Variants in CHRNA1 observed in about 807,000 individuals in gnomAD.
CHRNA1 encodes cholinergic receptor nicotinic alpha 1 subunit, also known as acetylcholine receptor subunit alpha.
In CHRNA1, 35 loss-of-function variants were observed where a neutral mutation model predicts 47.1. The ratio of observed to expected loss-of-function variants is 0.74; its 90% CI spans 0.57 to 0.99. The LOEUF (loss-of-function observed/expected upper bound fraction) is 0.99. CHRNA1 is among the 50% of genes least tolerant of loss of function. The pLI, the probability that CHRNA1 is intolerant of heterozygous loss-of-function variation, is 0.00. For missense variants in CHRNA1, 506 were observed against 591.1 expected, an observed-to-expected ratio of 0.86 and a Z score of 1.49; for synonymous variants, 229 against 223.6, an observed-to-expected ratio of 1.02 and a Z score of -0.22.
intron 7 of CHRNA1, among the ~76,000 whole-genome samples, chr2:174,749,546 C>G (rs886798833): frequency 2.6e-5 from 4 of 152,154 alleles, no homozygotes; most frequent in Non-Finnish European, 5.9e-5. Flanking sequence ...CATCTCTAGC[C>G]CTCATTCTAT....
intron 6 of CHRNA1, among the ~76,000 whole-genome samples, chr2:174,752,479 A>G (rs995829844): frequency 1.2e-4 from 18 of 152,174 alleles, no homozygotes; most frequent in Non-Finnish European, 2.2e-4. Context: ...CTGAGGTGAA[A>G]GGGTCACTTG....
At chr2:174,758,772 T>G (rs1052086584) in intron 3 of CHRNA1, among the ~76,000 whole-genome samples, 3 of 152,124 alleles carry the variant, frequency 2.0e-5, no homozygotes, top group Non-Finnish European at 4.4e-5. Flanking sequence ...TGACCTAATT[T>G]GGAGATAGGT....
At position 174,750,180 on chromosome 2, in the gene CHRNA1, CA is replaced by C. The variant is rs67309103; in HGVS notation, c.779-12del. The C allele has an allele frequency of 0.11, 150,316 of 1,393,552 alleles. 2,314 individuals are homozygous for C. The highest frequency in any genetic ancestry group is 0.29 in the African/African-American group (19,636 of 68,592). 86.3% of individuals were successfully genotyped at this position (1,393,552 alleles called of 1,614,324 possible). A position where few individuals can be genotyped will look rare whatever the true frequency, so the allele number is the denominator to read the frequency against. On this transcript the variant is annotated splice_polypyrimidine_tract_variant and intron_variant, in intron 6 of 8. Coordinates refer to ENST00000348749, the MANE Select transcript of CHRNA1 (RefSeq NM_000079.4). ...GAGTCATCTTCTCCCCTGAAAAGAC[CA>C]AAAAAAAAAAAAAAAATCCCACAAC...
At chr2:174,763,835 G>T (rs1037697785) in intron 1 of CHRNA1, among the ~76,000 whole-genome samples, 24 of 150,844 alleles carry the variant, frequency 1.6e-4, no homozygotes, top group Non-Finnish European at 3.2e-4. Flanking sequence ...ATTTGTCTCT[G>T]TGGAGAGAGT....
intron 3 of CHRNA1, 89 bp from the exon 4 acceptor site, chr2:174,757,764 C>A: frequency 8.4e-7 from 1 of 1,192,994 alleles, no homozygotes; most frequent in Non-Finnish European, 1.2e-6. Context: ...CATGGGAATT[C>A]AGTATTGACA....
In CHRNA1 at chr2:174,757,086, A is replaced by G. The variant is rs147975584; in HGVS notation, c.344+480T>C. 2.5e-3 allele frequency among the ~76,000 whole-genome samples: 375 copies of G among 152,134 alleles called. 1 individual carries two copies. The highest frequency in any genetic ancestry group is 8.6e-3 in the African/African-American group (358 of 41,488). ...GGTGTTCAGGATGTGATGAGTGACA[A>G]CCCTAGGAGGCTCAGAAATATTTGG... On this transcript the variant is annotated intron_variant, in intron 4 of 8. Coordinates refer to ENST00000348749, the MANE Select transcript of CHRNA1 (RefSeq NM_000079.4).
At chr2:174,750,419 G>A (rs752797392) in intron 6 of CHRNA1, among the ~76,000 whole-genome samples, 9 of 152,126 alleles carry the variant, frequency 5.9e-5, no homozygotes, top group Non-Finnish European at 1.2e-4. Flanking sequence ...ATAGACGGAA[G>A]GCCATGGGAC....
chr2:174,762,902 A>G (rs12185542), intron 1 of CHRNA1, among the ~76,000 whole-genome samples: 2 of 151,760 alleles, frequency 1.3e-5, no homozygotes, highest in East Asian at 3.9e-4. Context: ...TTGAACTGTT[A>G]CTAGTCCCAT....
chr2:174,754,305 C>T lies in CHRNA1; in HGVS notation c.454G>A (p.Val152Ile), dbSNP rs137852807. ...TGTTCATCAAAGGGAAAGTGGGTGA[C>T]GATGATCTCACAGTAGCTTTTAAAG... ...AIFKSYCEII[V>I]THFPFDEQNC... The change falls in exon 5 of 9, where the codon GTC becomes ATC. Residue 152 changes from valine to isoleucine, a missense_variant. Transcript: ENST00000348749. The T allele has an allele frequency of 1.2e-5, 19 of 1,614,046 alleles. No individual in the cohort carries two copies. The highest frequency in any genetic ancestry group is 1.7e-5 in the Admixed American group (1 of 60,002).
intron 1 of CHRNA1, among the ~76,000 whole-genome samples, chr2:174,763,702 GT>G (rs1464056496): frequency 2.0e-5 from 3 of 151,824 alleles, no homozygotes; most frequent in African/African-American, 4.8e-5. Context: ...GCTGTGCAAG[GT>G]TTTATAGTTT....
intron 6 of CHRNA1, among the ~76,000 whole-genome samples, chr2:174,751,033 C>T (rs1400020745): frequency 6.6e-6 from 1 of 152,238 alleles, no homozygotes; most frequent in Non-Finnish European, 1.5e-5. Context: ...ATCCGGAAGG[C>T]TAAGGAGTTC....
chr2:174,749,523 T>C (rs1029858902), intron 7 of CHRNA1, among the ~76,000 whole-genome samples: 1 of 152,196 alleles, frequency 6.6e-6, no homozygotes, highest in Non-Finnish European at 1.5e-5. Context: ...CCCTCTCTCA[T>C]CAGGAACCCT....
At chr2:174,748,394 T>C in intron 8 of CHRNA1, 139 bp from the exon 9 acceptor site, 2 of 1,408,450 alleles carry the variant, frequency 1.4e-6, no homozygotes, top group East Asian at 2.5e-5. Flanking sequence ...ATCGTCTTTA[T>C]TTTTTGAATA....
chr2:174,754,234 G>C lies in CHRNA1; in HGVS notation c.525C>G (p.Val175=), dbSNP rs186421442. The change falls in exon 5 of 9, where the codon GTC becomes GTG. Residue 175 remains valine, a synonymous_variant. Transcript: ENST00000348749. ...KLGTWTYDGS[V]VAINPESDQP... is the part of the protein sequence containing the mutation. ...CACCACCTACCGGGTTGATGGCCAC[G>C]ACAGAGCCGTCGTAGGTCCAGGTGC... The C allele has an allele frequency of 6.2e-7, 1 of 1,613,576 alleles. No homozygotes were observed. Among genetic ancestry groups the C allele is most frequent in the South Asian group, 1.1e-5 (1 of 91,034 alleles).
In CHRNA1 at chr2:174,753,594, G is replaced by A. The variant is rs545520806; in HGVS notation, c.687C>T (p.Arg229=). The A allele has an allele frequency of 4.3e-6, 7 of 1,614,168 alleles. No individual in the cohort carries two copies. The highest frequency in any genetic ancestry group is 1.7e-5 in the Admixed American group (1 of 60,018). The change falls in exon 6 of 9, where the codon CGC becomes CGT. Residue 229 remains arginine (R), a synonymous_variant. Coordinates refer to ENST00000348749, the MANE Select transcript of CHRNA1 (RefSeq NM_000079.4). Reference sequence around the variant, plus strand: ...CGTTGACGATGAAGTAGAGGGGCAGGCGCTGCATGACGAAGTGGTAGGTGA... The same window carrying A: ...CGTTGACGATGAAGTAGAGGGGCAGACGCTGCATGACGAAGTGGTAGGTGA... ...LDITYHFVMQ[R]LPLYFIVNVI... is the part of the protein sequence containing the mutation.
rs767773452 is a variant in CHRNA1 at position 174,757,609 on chromosome 2, G to A, written c.301C>T (p.Pro101Ser). 3 of 1,614,100 alleles carry A rather than the reference G, an allele frequency of 1.9e-6. No individual in the cohort carries two copies. In the South Asian group the frequency reaches 3.3e-5, roughly 18 times the overall value. The change falls in exon 4 of 9, where the codon CCT becomes TCT. Residue 101 changes from proline (P) to serine (S), a missense_variant. Pro to Ser is a moderately conservative substitution (Grantham distance 74). Coordinates refer to ENST00000348749, the MANE Select transcript of CHRNA1 (RefSeq NM_000079.4). ...TCTGGGCGCCAGATCTTTTCTGAAG[G>A]AATGTGAATTTTTTTCACACCGCCA... ...DYGGVKKIHI[P>S]SEKIWRPDLV...
chr2:174,755,767 G>A (rs1243929028), intron 4 of CHRNA1, among the ~76,000 whole-genome samples: 1 of 152,122 alleles, frequency 6.6e-6, no homozygotes, highest in Non-Finnish European at 1.5e-5. Context: ...CAGGTACAGT[G>A]GCTCATGCCT....
At chr2:174,751,933 G>T (rs970914771) in intron 6 of CHRNA1, among the ~76,000 whole-genome samples, 4 of 151,932 alleles carry the variant, frequency 2.6e-5, no homozygotes, top group African/African-American at 9.7e-5. Flanking sequence ...ATCCGCCTTG[G>T]CCTCCGAAAG....
intron 3 of CHRNA1, among the ~76,000 whole-genome samples, chr2:174,758,855 TA>T (rs1388982588): frequency 1.3e-5 from 2 of 152,022 alleles, no homozygotes; most frequent in Non-Finnish European, 2.9e-5. Flanking sequence ...GGTGTCTTCA[TA>T]AAAAGGGGGA....
Sources: allele counts gnomAD v4.1 joint callset (sites outside exome capture counted in the v4.1 genomes callset), GRCh38; gene constraint gnomAD v4.1.1; transcripts MANE v1.5; gene names NCBI Gene and HGNC (gene_info 2026-07-23, HGNC 2026-07-21).